The following GSE1 variants were observed in gnomAD, a reference collection of about 807,000 sequenced individuals.
GSE1 encodes Gse1 coiled-coil protein.
Under a neutral mutation model 112.6 loss-of-function variants are expected in GSE1, and 32 were observed. The ratio of observed to expected loss-of-function variants is 0.28; its 90% confidence interval spans 0.21 to 0.38. The LOEUF (loss-of-function observed/expected upper bound fraction) is 0.38, where lower values mean the gene tolerates loss of function less well. GSE1 is among the 10% of genes least tolerant of loss of function. GSE1 has a pLI of 1.00. For synonymous variants in GSE1, 1,115 were observed against 735.6 expected, an observed-to-expected ratio of 1.52 and a Z score of -8.35; for missense variants, 2,348 against 1,699.2, an observed-to-expected ratio of 1.38 and a Z score of -6.71.
intron 1 of GSE1, among the ~76,000 whole-genome samples, chr16:85,590,042 G>A (rs1044989203): frequency 2.6e-5 from 4 of 151,574 alleles, no homozygotes; most frequent in Non-Finnish European, 5.9e-5. Context: ...GAGTGTGAAT[G>A]TGTGAACTGT....
At chr16:85,462,386 C>A (rs375578317) in intron 2 of GSE1, among the ~76,000 whole-genome samples, 79 of 152,082 alleles carry the variant, frequency 5.2e-4, no homozygotes, top group African/African-American at 1.9e-3. Flanking sequence ...TGGTTGGTTG[C>A]CTGCCCTCCT....
At chr16:85,240,518 A>G (rs1435020227) in intron 1 of GSE1, among the ~76,000 whole-genome samples, 4 of 152,208 alleles carry the variant, frequency 2.6e-5, no homozygotes, top group Non-Finnish European at 5.9e-5. Flanking sequence ...TTCGCAGCCC[A>G]GGAGTCCTGG....
chr16:85,244,401 C>T (rs898831982), intron 1 of GSE1, among the ~76,000 whole-genome samples: 2 of 152,210 alleles, frequency 1.3e-5, no homozygotes, highest in Non-Finnish European at 2.9e-5. Flanking sequence ...GCACAGCCCT[C>T]CTGAGCCCTT....
At chr16:85,331,501 GTA>G (rs1169365095) in intron 1 of GSE1, among the ~76,000 whole-genome samples, 5 of 119,652 alleles carry the variant, frequency 4.2e-5, no homozygotes, top group Admixed American at 8.9e-5. Context: ...GTGTATATGT[GTA>G]TATATGTATA....
At chr16:85,188,178 T>C (rs1424885210) in intron 1 of GSE1, among the ~76,000 whole-genome samples, 2 of 152,132 alleles carry the variant, frequency 1.3e-5, no homozygotes, top group Non-Finnish European at 2.9e-5. Context: ...CTCCCAGTGC[T>C]CATCTGAGAG....
At chr16:85,668,501 G>A in intron 14 of GSE1, 77 bp downstream of exon 14, 6 of 957,936 alleles carry the variant, frequency 6.3e-6, no homozygotes, top group Non-Finnish European at 7.9e-6. Context: ...ATGAGTTCAT[G>A]CAGACCTCTG....
At chr16:85,657,747 TATA>T (rs2052090554) in intron 8 of GSE1, 143 bp downstream of exon 8, 2 of 604,460 alleles carry the variant, frequency 3.3e-6, no homozygotes, top group Non-Finnish European at 5.5e-6. Flanking sequence ...ATCTTCACGT[TATA>T]ATGCCTGTCT....
chr16:85,228,850 G>A (rs1422787741), intron 1 of GSE1, among the ~76,000 whole-genome samples: 2 of 152,238 alleles, frequency 1.3e-5, no homozygotes, highest in African/African-American at 4.8e-5. Flanking sequence ...TTCTGCCTCA[G>A]TTTACCCCAC....
At chr16:85,385,928 G>T (rs565410179) in intron 2 of GSE1, among the ~76,000 whole-genome samples, 19 of 152,326 alleles carry the variant, frequency 1.2e-4, no homozygotes, top group African/African-American at 4.3e-4. Context: ...GGGGTATGGG[G>T]TGCTTTCAGG....
At chr16:85,289,227 C>T in intron 1 of GSE1, among the ~76,000 whole-genome samples, 1 of 152,318 alleles carries the variant, frequency 6.6e-6, no homozygotes, top group East Asian at 1.9e-4. Context: ...GTCCTCCCTG[C>T]AGTCCCAGAG....
intron 1 of GSE1, among the ~76,000 whole-genome samples, chr16:85,348,884 C>T (rs556198158): frequency 2.6e-5 from 4 of 152,146 alleles, no homozygotes; most frequent in African/African-American, 9.6e-5. Context: ...CCTCCAGCCC[C>T]CGAGAGATGG....
intron 2 of GSE1, among the ~76,000 whole-genome samples, chr16:85,499,999 G>C (rs1287634677): frequency 6.6e-6 from 1 of 152,216 alleles, no homozygotes; most frequent in Non-Finnish European, 1.5e-5. Context: ...GCAAGTCATA[G>C]CAAACAGACA....
intron 2 of GSE1, among the ~76,000 whole-genome samples, chr16:85,471,835 C>G (rs902685916): frequency 1.3e-5 from 2 of 152,194 alleles, no homozygotes; most frequent in Non-Finnish European, 2.9e-5. Flanking sequence ...CTCAGCCTCC[C>G]GAGCAGCTGG....
intron 1 of GSE1, among the ~76,000 whole-genome samples, chr16:85,586,808 G>A (rs998344774): frequency 2.6e-5 from 4 of 152,316 alleles, no homozygotes; most frequent in African/African-American, 7.2e-5. Context: ...GTGCCCCCAG[G>A]CCCCCTGGCA....
chr16:85,609,109 A>T (rs991176147), upstream of GSE1, among the ~76,000 whole-genome samples: 5 of 152,190 alleles, frequency 3.3e-5, no homozygotes, highest in African/African-American at 9.7e-5. Flanking sequence ...GCCCAGGTTG[A>T]TGCCCAGGCA....
intron 1 of GSE1, among the ~76,000 whole-genome samples, chr16:85,605,146 C>T (rs996695069): frequency 7.9e-5 from 12 of 151,708 alleles, no homozygotes; most frequent in Non-Finnish European, 1.6e-4. Context: ...CTTACAGAAG[C>T]CAGGGACTTG....
intron 1 of GSE1, among the ~76,000 whole-genome samples, chr16:85,348,189 C>T (rs2151553911): frequency 6.6e-6 from 1 of 152,170 alleles, no homozygotes; most frequent in East Asian, 1.9e-4. Context: ...CACTATTCAT[C>T]TATCTGTCCA....
rs117863397 is a variant in GSE1 at position 85,514,827 on chromosome 16, C to T, written c.2465-119087C>T. Among the ~76,000 whole-genome samples, 805 of 152,316 alleles carry T rather than the reference C, an allele frequency of 5.3e-3. 3 individuals are homozygous for T. The highest frequency in any genetic ancestry group is 0.01 in the Middle Eastern group (3 of 294). On this transcript the variant is annotated intron_variant, in intron 2 of 2. Transcript: ENST00000637419. ...CCAATAGCTCCTCTCCCTGTCCCTGCAGGGATCCTGGGAGCTGCAGGCCAC... is the reference window on the plus strand; with the variant it reads ...CCAATAGCTCCTCTCCCTGTCCCTGTAGGGATCCTGGGAGCTGCAGGCCAC...
At chr16:85,445,098 C>G (rs1250502323) in intron 2 of GSE1, among the ~76,000 whole-genome samples, 1 of 152,244 alleles carries the variant, frequency 6.6e-6, no homozygotes, top group Non-Finnish European at 1.5e-5. Flanking sequence ...GCTTTATCTT[C>G]CAGCCTGAAT....
Sources: allele counts gnomAD v4.1 joint callset (sites outside exome capture counted in the v4.1 genomes callset), GRCh38; gene constraint gnomAD v4.1.1; transcripts MANE v1.5; gene names NCBI Gene and HGNC (gene_info 2026-07-23, HGNC 2026-07-21).